Variants in SLC2A13 observed in about 807,000 individuals in gnomAD.
SLC2A13 encodes the protein solute carrier family 2 member 13, also known as proton myo-inositol cotransporter.
A neutral mutation model predicts 64.4 loss-of-function variants in SLC2A13; 32 were observed. The ratio of observed to expected loss-of-function variants is 0.50; its 90% CI spans 0.37 to 0.67. The LOEUF (loss-of-function observed/expected upper bound fraction) is 0.67. SLC2A13 is among the 30% of genes least tolerant of loss of function. SLC2A13 has a pLI of 0.00. For missense variants in SLC2A13, 743 were observed against 829.2 expected (o/e 0.90, Z 1.28); for synonymous variants, 338 against 327.1 (o/e 1.03, Z -0.36).
At chr12:39,994,222 A>C (rs1392414192) in intron 3 of SLC2A13, among the ~76,000 whole-genome samples, 1 of 151,722 alleles carries the variant, frequency 6.6e-6, no homozygotes, top group Non-Finnish European at 1.5e-5. Context: ...ATCTCTACTA[A>C]AAACACAAAA....
At chr12:39,980,937 C>T (rs1946881403) in intron 3 of SLC2A13, among the ~76,000 whole-genome samples, 1 of 151,890 alleles carries the variant, frequency 6.6e-6, no homozygotes, top group South Asian at 2.1e-4. Flanking sequence ...AAGCTCTCCT[C>T]AGCAAATGTA....
At chr12:39,896,563 T>C (rs994775320) in intron 4 of SLC2A13, among the ~76,000 whole-genome samples, 11 of 112,136 alleles carry the variant, frequency 9.8e-5, no homozygotes, top group African/African-American at 3.4e-4. Context: ...CATGTATACA[T>C]ATATGTATGT....
intron 3 of SLC2A13, among the ~76,000 whole-genome samples, chr12:39,986,154 A>C (rs1183116918): frequency 2.0e-5 from 3 of 151,994 alleles, no homozygotes; most frequent in Non-Finnish European, 4.4e-5. Flanking sequence ...AAGGCCCCAT[A>C]TCCTAATATA....
intron 4 of SLC2A13, among the ~76,000 whole-genome samples, chr12:39,898,057 T>C (rs1427844670): frequency 6.6e-6 from 1 of 152,094 alleles, no homozygotes. Flanking sequence ...CATCATTATA[T>C]TGAGGAGGCT....
intron 4 of SLC2A13, among the ~76,000 whole-genome samples, chr12:39,927,743 AG>A (rs1945752882): frequency 6.6e-6 from 1 of 152,186 alleles, no homozygotes; most frequent in Non-Finnish European, 1.5e-5. Context: ...CATTTACAAA[AG>A]CTACAGGATA....
chr12:39,896,645 A>G (rs915859494), intron 4 of SLC2A13, among the ~76,000 whole-genome samples: 2 of 151,716 alleles, frequency 1.3e-5, no homozygotes, highest in African/African-American at 2.4e-5. Context: ...CTTCTGGAAG[A>G]AAACAACACT....
At chr12:39,987,082 A>C (rs999448245) in intron 3 of SLC2A13, among the ~76,000 whole-genome samples, 20 of 152,184 alleles carry the variant, frequency 1.3e-4, no homozygotes, top group African/African-American at 4.6e-4. Flanking sequence ...TAGTTTTAAG[A>C]AAAATGGCTT....
chr12:40,026,075 C>G (rs1947799875), intron 3 of SLC2A13, among the ~76,000 whole-genome samples: 1 of 152,198 alleles, frequency 6.6e-6, no homozygotes, highest in South Asian at 2.1e-4. Context: ...ATCACTGGTG[C>G]CATGTAATCT....
Position 39,830,207 on chromosome 12 carries a change from C to T in SLC2A13, c.1341G>A (p.Leu447=), listed in dbSNP as rs1276314678. Reference sequence around the variant, plus strand: ...TGTAGCAGAAACCGCAGTCTGGATCCAACATACATTCATTACAGTAACTGA... The same window carrying T: ...TGTAGCAGAAACCGCAGTCTGGATCTAACATACATTCATTACAGTAACTGA... ...TRYSYCNECM[L]DPDCGFCYKM... The change falls in exon 7 of 10, where the codon TTG becomes TTA. Residue 447 remains leucine, a synonymous_variant. Transcript: ENST00000280871. The T allele has an allele frequency of 6.2e-7, 1 of 1,613,350 alleles. No individual in the cohort carries two copies. Among genetic ancestry groups the T allele is most frequent in the Non-Finnish European group, 8.5e-7 (1 of 1,179,608 alleles).
At chr12:39,788,053 T>C (rs1941253170) in intron 7 of SLC2A13, among the ~76,000 whole-genome samples, 1 of 152,160 alleles carries the variant, frequency 6.6e-6, no homozygotes, top group African/African-American at 2.4e-5. Flanking sequence ...AACAATATTC[T>C]ATTACTCATA....
intron 6 of SLC2A13, among the ~76,000 whole-genome samples, chr12:39,861,950 G>T (rs1281887779): frequency 6.6e-6 from 1 of 152,114 alleles, no homozygotes; most frequent in Admixed American, 6.6e-5. Flanking sequence ...TGCCATGGTG[G>T]TTTGCTGCAC....
chr12:39,763,855 C>T (rs1490876316), intron 9 of SLC2A13, among the ~76,000 whole-genome samples: 1 of 152,094 alleles, frequency 6.6e-6, no homozygotes, highest in African/African-American at 2.4e-5. Flanking sequence ...TGAATTATGG[C>T]CTCCATACAT....
chr12:40,011,933 C>T lies in SLC2A13; in HGVS notation c.925+16368G>A, dbSNP rs538410144. On this transcript the variant is annotated intron_variant, in intron 3 of 9. Coordinates refer to ENST00000280871, the MANE Select transcript of SLC2A13 (RefSeq NM_052885.4). The stretch of plus-strand genomic sequence containing the variant: ...GGGCTCTGGGCAGCTGCAGAGGTCG[C>T]GTGTCCATGAAGCCAGCCCTGCAAT... Among the ~76,000 whole-genome samples the T allele has an allele frequency of 5.3e-5, 8 of 152,222 alleles. No homozygotes were observed. In the South Asian group the frequency reaches 6.2e-4, roughly 12 times the overall value.
At chr12:39,794,608 AG>A (rs1425547359) in intron 7 of SLC2A13, among the ~76,000 whole-genome samples, 2 of 152,166 alleles carry the variant, frequency 1.3e-5, no homozygotes, top group African/African-American at 4.8e-5. Context: ...GCAAAGGCAG[AG>A]CTGTAACCAA....
At chr12:40,017,509 T>C (rs916391171) in intron 3 of SLC2A13, among the ~76,000 whole-genome samples, 3 of 152,222 alleles carry the variant, frequency 2.0e-5, no homozygotes, top group African/African-American at 7.2e-5. Context: ...TCCTTAATTG[T>C]TTGGTGCATT....
chr12:39,823,554 A>G (rs1346025123), intron 7 of SLC2A13, among the ~76,000 whole-genome samples: 1 of 152,214 alleles, frequency 6.6e-6, no homozygotes, highest in Non-Finnish European at 1.5e-5. Context: ...CTGGCATATC[A>G]GTGAATATTT....
At chr12:40,018,878 G>A (rs1298697960) in intron 3 of SLC2A13, among the ~76,000 whole-genome samples, 1 of 152,120 alleles carries the variant, frequency 6.6e-6, no homozygotes, top group East Asian at 1.9e-4. Flanking sequence ...GTAATGTTGA[G>A]TGCTTCTTGC....
chr12:40,027,379 A>G (rs142629160), intron 3 of SLC2A13, among the ~76,000 whole-genome samples: 1 of 152,344 alleles, frequency 6.6e-6, no homozygotes, highest in East Asian at 1.9e-4. Context: ...TCTCAGCAAC[A>G]AAGTGACAGC....
intron 7 of SLC2A13, among the ~76,000 whole-genome samples, chr12:39,772,588 A>G (rs1940622373): frequency 6.6e-6 from 1 of 152,192 alleles, no homozygotes; most frequent in South Asian, 2.1e-4. Context: ...TGAAGATTTA[A>G]GAAAATAGGA....
Sources: gnomAD v4.1 joint callset for allele counts (sites outside exome capture counted in the v4.1 genomes callset) on GRCh38, gnomAD v4.1.1 for gene constraint, MANE v1.5 for transcripts, NCBI Gene and HGNC (gene_info 2026-07-23, HGNC 2026-07-21) for gene names.